The following KCNT2 variants were observed in gnomAD, a reference collection of about 807,000 sequenced individuals.
KCNT2 encodes the protein potassium channel subfamily T member 2.
In KCNT2, 67 loss-of-function variants were observed where a neutral mutation model predicts 153.8. The observed-to-expected ratio is 0.44, with a 90% CI of 0.36 to 0.53. The LOEUF (loss-of-function observed/expected upper bound fraction) is 0.53. KCNT2 is among the 20% of genes least tolerant of loss of function. KCNT2 has a pLI of 0.00. For missense variants in KCNT2, 975 were observed against 1,354.8 expected (o/e 0.72, Z 4.40); for synonymous variants, 500 against 458.8 (o/e 1.09, Z -1.15).
intron 5 of KCNT2, among the ~76,000 whole-genome samples, chr1:196,476,682 AC>A (rs2148689723): frequency 6.6e-6 from 1 of 152,126 alleles, no homozygotes; most frequent in South Asian, 2.1e-4. Context: ...TAATCATTAA[AC>A]CTCAGGTTTC....
intron 11 of KCNT2, 25 bp downstream of exon 11, chr1:196,425,827 C>A (rs1381174641): frequency 6.2e-7 from 1 of 1,608,090 alleles, no homozygotes; most frequent in Non-Finnish European, 8.5e-7. Context: ...CTGTAAGCTG[C>A]AAGATGAAAG....
chr1:196,343,874 G>C (rs971068313), intron 14 of KCNT2, among the ~76,000 whole-genome samples: 4 of 152,072 alleles, frequency 2.6e-5, no homozygotes, highest in African/African-American at 9.7e-5. Context: ...CTGCCTCCTG[G>C]GTTCAAGCGA....
At chr1:196,549,452 T>C (rs1657600127) in intron 1 of KCNT2, among the ~76,000 whole-genome samples, 1 of 151,964 alleles carries the variant, frequency 6.6e-6, no homozygotes, top group African/African-American at 2.4e-5. Flanking sequence ...TATTTTGTTT[T>C]TTCATGTATG....
At chr1:196,324,144 T>G (rs1663612183) in intron 19 of KCNT2, among the ~76,000 whole-genome samples, 1 of 151,852 alleles carries the variant, frequency 6.6e-6, no homozygotes, top group Non-Finnish European at 1.5e-5. Flanking sequence ...ACCTAACCCT[T>G]TGAAATAAAG....
At chr1:196,333,495 A>C (rs1202459569) in intron 17 of KCNT2, among the ~76,000 whole-genome samples, 1 of 152,170 alleles carries the variant, frequency 6.6e-6, no homozygotes, top group Non-Finnish European at 1.5e-5. Context: ...GCAATAAAGT[A>C]AATTCAAAGT....
intron 12 of KCNT2, among the ~76,000 whole-genome samples, chr1:196,417,045 C>T (rs1291148306): frequency 2.6e-5 from 4 of 151,966 alleles, no homozygotes; most frequent in African/African-American, 7.2e-5. Context: ...TTTCACTTAA[C>T]GTAAGTAAAT....
rs199836975 is a variant in KCNT2, at chr1:196,570,067, T to TAAAA, written c.95+38144_95+38147dup. Among the ~76,000 whole-genome samples, 790 of 133,432 alleles carry TAAAA rather than the reference T, an allele frequency of 5.9e-3. 32 individuals carry two copies. Among genetic ancestry groups the TAAAA allele is most frequent in the African/African-American group, 0.027 (732 of 27,302 alleles). The allele number at this position is 133,432 out of a possible 152,430, so 87.5% of individuals were successfully genotyped here. A position where few individuals can be genotyped will look rare whatever the true frequency, so the allele number is the denominator to read the frequency against. Reference sequence around the variant, plus strand: ...TGAGTCCAGGAAGCTTGAGCTAGAGTAAAAAAAAAAAAAAAAAAAAAAAAA... The same window carrying TAAAA: ...TGAGTCCAGGAAGCTTGAGCTAGAGTAAAAAAAAAAAAAAAAAAAAAAAAAAAAA... On this transcript the variant is annotated intron_variant, in intron 1 of 27. Coordinates refer to ENST00000294725, the MANE Select transcript of KCNT2 (RefSeq NM_198503.5).
At chr1:196,529,127 T>C (rs1476866721) in intron 1 of KCNT2, among the ~76,000 whole-genome samples, 1 of 152,144 alleles carries the variant, frequency 6.6e-6, no homozygotes, top group Non-Finnish European at 1.5e-5. Context: ...GTACTCAACT[T>C]TGCAAAGTAA....
intron 13 of KCNT2, among the ~76,000 whole-genome samples, chr1:196,378,485 C>A (rs1386552401): frequency 6.6e-6 from 1 of 151,784 alleles, no homozygotes; most frequent in Non-Finnish European, 1.5e-5. Context: ...CTCATTTATT[C>A]CCTATGTCAA....
At chr1:196,584,693 T>G (rs1379812284) in intron 1 of KCNT2, among the ~76,000 whole-genome samples, 2 of 152,116 alleles carry the variant, frequency 1.3e-5, no homozygotes, top group African/African-American at 4.8e-5. Context: ...TCCTGTCAAC[T>G]TTTATATCAG....
chr1:196,334,487 C>CTTTCTTTTTTTTTTTTTTTTTTT (rs1553288400), intron 16 of KCNT2, among the ~76,000 whole-genome samples: 3 of 87,264 alleles, frequency 3.4e-5, no homozygotes, highest in Admixed American at 1.4e-4. Context: ...TTCTTTCTTT[C>CTTTCTTTTTTTTTTTTTTTTTTT]TTTTTTTTTT....
intron 1 of KCNT2, among the ~76,000 whole-genome samples, chr1:196,554,099 T>G (rs1035351346): frequency 6.6e-6 from 1 of 151,048 alleles, no homozygotes; most frequent in African/African-American, 2.4e-5. Context: ...ATAATGCATC[T>G]TAAAGAGCTA....
intron 1 of KCNT2, among the ~76,000 whole-genome samples, chr1:196,536,590 C>T (rs1454653960): frequency 6.6e-6 from 1 of 152,206 alleles, no homozygotes; most frequent in East Asian, 1.9e-4. Flanking sequence ...AGATCTCTTG[C>T]AACTCTGCTG....
At chr1:196,566,235 A>C (rs543068401) in intron 1 of KCNT2, among the ~76,000 whole-genome samples, 1 of 152,076 alleles carries the variant, frequency 6.6e-6, no homozygotes, top group Non-Finnish European at 1.5e-5. Context: ...CAATGAAAAA[A>C]TGACCTTCCT....
At chr1:196,270,360 C>T (rs1366834454) in intron 25 of KCNT2, among the ~76,000 whole-genome samples, 1 of 151,864 alleles carries the variant, frequency 6.6e-6, no homozygotes, top group African/African-American at 2.4e-5. Flanking sequence ...CATTTTATGT[C>T]TAAATGTCTA....
chr1:196,256,281 C>A (rs995187200), intron 26 of KCNT2, among the ~76,000 whole-genome samples: 1 of 151,838 alleles, frequency 6.6e-6, no homozygotes, highest in Admixed American at 6.6e-5. Context: ...TTTACTCCCC[C>A]CAAAAAAGCT....
At chr1:196,424,462 C>T (rs1277719113) in intron 11 of KCNT2, among the ~76,000 whole-genome samples, 1 of 151,700 alleles carries the variant, frequency 6.6e-6, no homozygotes, top group Non-Finnish European at 1.5e-5. Flanking sequence ...TCTAGCACAC[C>T]CAAATAATGA....
chr1:196,226,859 C>T lies in KCNT2; in HGVS notation c.*1365G>A, dbSNP rs1653528395. 1 of 151,638 alleles carries T rather than the reference C, an allele frequency of 6.6e-6. No homozygotes were observed. Among genetic ancestry groups the T allele is most frequent in the South Asian group, 2.1e-4 (1 of 4,822 alleles). The allele number at this position is 151,638 out of a possible 1,614,324, so 9.4% of individuals were successfully genotyped here. Reference sequence around the variant, plus strand: ...TGTCAAATTCAAAAATTAAAAAATACAAAATTAGAACAGTATGTATTTAAA... The same window carrying T: ...TGTCAAATTCAAAAATTAAAAAATATAAAATTAGAACAGTATGTATTTAAA... On this transcript the variant is annotated 3_prime_UTR_variant, in exon 28 of 28. Coordinates refer to ENST00000294725, the MANE Select transcript of KCNT2 (RefSeq NM_198503.5).
chr1:196,330,360 T>C (rs903932324), intron 18 of KCNT2, among the ~76,000 whole-genome samples: 2 of 151,882 alleles, frequency 1.3e-5, no homozygotes, highest in Admixed American at 1.3e-4. Context: ...TAATATCCAC[T>C]TTAAGGATGA....
Sources: allele counts gnomAD v4.1 joint callset (sites outside exome capture counted in the v4.1 genomes callset), GRCh38; gene constraint gnomAD v4.1.1; transcripts MANE v1.5; gene names NCBI Gene and HGNC (gene_info 2026-07-23, HGNC 2026-07-21).